Variants in NTM observed in about 807,000 individuals in gnomAD.
NTM encodes IgLON family member 2.
NTM carries 13 observed loss-of-function variants against 42.1 expected under a neutral mutation model. The observed-to-expected ratio is 0.31, with a 90% CI of 0.20 to 0.49. The LOEUF is 0.49. Among genes scored for constraint, NTM ranks in the 20% least tolerant of loss-of-function variants. NTM has a pLI of 0.99. For missense variants in NTM, 373 were observed against 452.8 expected, an observed-to-expected ratio of 0.82 and a Z score of 1.60; for synonymous variants, 187 against 179.2, an observed-to-expected ratio of 1.04 and a Z score of -0.35.
At chr11:131,373,900 G>T (rs1273787818) in intron 1 of NTM, among the ~76,000 whole-genome samples, 1 of 152,258 alleles carries the variant, frequency 6.6e-6, no homozygotes, top group Non-Finnish European at 1.5e-5. Context: ...CCTCGGCAAA[G>T]TTCACACTCC....
chr11:132,238,897 C>A (rs2089630738), intron 4 of NTM, among the ~76,000 whole-genome samples: 1 of 152,160 alleles, frequency 6.6e-6, no homozygotes, highest in South Asian at 2.1e-4. Flanking sequence ...GCAAAAGGAG[C>A]CTTGTTTCTC....
chr11:132,104,070 T>A (rs757449389), intron 2 of NTM, among the ~76,000 whole-genome samples: 1 of 152,112 alleles, frequency 6.6e-6, no homozygotes, highest in East Asian at 1.9e-4. Context: ...AGACCGGGAC[T>A]GTGTTTTTCG....
intron 3 of NTM, among the ~76,000 whole-genome samples, chr11:132,161,304 A>T (rs2074210745): frequency 6.7e-6 from 1 of 148,744 alleles, no homozygotes; most frequent in Non-Finnish European, 1.5e-5. Context: ...TTCCATAGAC[A>T]GTTCTCTTCT....
At chr11:131,621,815 T>A (rs1592257253) in intron 1 of NTM, among the ~76,000 whole-genome samples, 2 of 103,730 alleles carry the variant, frequency 1.9e-5, no homozygotes. Context: ...GAGCAAGACC[T>A]CAACTCAAAG....
At chr11:131,478,394 G>A (rs999210213) in intron 1 of NTM, among the ~76,000 whole-genome samples, 10 of 152,148 alleles carry the variant, frequency 6.6e-5, no homozygotes, top group Non-Finnish European at 1.5e-4. Flanking sequence ...TAAGAGGTAG[G>A]TAGCATACCA....
At chr11:131,435,340 G>A (rs1949033601) in intron 1 of NTM, among the ~76,000 whole-genome samples, 1 of 152,200 alleles carries the variant, frequency 6.6e-6, no homozygotes, top group African/African-American at 2.4e-5. Context: ...GTCATTGGGA[G>A]CTTGATGGGG....
intron 1 of NTM, among the ~76,000 whole-genome samples, chr11:131,683,958 G>A (rs970810711): frequency 4.6e-5 from 7 of 152,182 alleles, no homozygotes; most frequent in South Asian, 4.1e-4. Context: ...AGGGCAGGCG[G>A]TGGCAAGAGG....
At chr11:131,512,975 C>T (rs908909476) in intron 1 of NTM, among the ~76,000 whole-genome samples, 3 of 152,100 alleles carry the variant, frequency 2.0e-5, no homozygotes, top group South Asian at 4.1e-4. Flanking sequence ...ACTGAGATCT[C>T]GGGACATTTC....
chr11:131,779,318 T>A (rs2087631573), intron 1 of NTM, among the ~76,000 whole-genome samples: 1 of 152,200 alleles, frequency 6.6e-6, no homozygotes, highest in Non-Finnish European at 1.5e-5. Context: ...TATGAGATAA[T>A]AAATGTGTGC....
intron 4 of NTM, among the ~76,000 whole-genome samples, chr11:132,303,330 G>A (rs1012938128): frequency 5.9e-5 from 9 of 152,142 alleles, no homozygotes; most frequent in East Asian, 3.9e-4. Flanking sequence ...ACCCTCCCTC[G>A]CCTCTCCTGG....
chr11:132,172,650 G>A (rs2076272746), intron 3 of NTM, among the ~76,000 whole-genome samples: 1 of 152,182 alleles, frequency 6.6e-6, no homozygotes, highest in Non-Finnish European at 1.5e-5. Context: ...AGCCTCACAA[G>A]ATATATAATT....
At chr11:132,255,754 G>A (rs1322141686) in intron 4 of NTM, among the ~76,000 whole-genome samples, 1 of 152,086 alleles carries the variant, frequency 6.6e-6, no homozygotes, top group African/African-American at 2.4e-5. Context: ...AGTCCTATTT[G>A]CTCTGCTTTC....
At chr11:131,833,636 A>G (rs2043102817) in intron 1 of NTM, among the ~76,000 whole-genome samples, 2 of 152,152 alleles carry the variant, frequency 1.3e-5, no homozygotes, top group Non-Finnish European at 2.9e-5. Context: ...TTCAAATAGT[A>G]TTCAGTGACA....
At chr11:131,698,065 G>A (rs1488103845) in intron 1 of NTM, among the ~76,000 whole-genome samples, 4 of 152,190 alleles carry the variant, frequency 2.6e-5, no homozygotes, top group Admixed American at 2.6e-4. Context: ...AGACACAGCT[G>A]CTTCATCCAG....
intron 4 of NTM, among the ~76,000 whole-genome samples, chr11:132,277,833 T>C (rs2093790352): frequency 6.6e-6 from 1 of 152,048 alleles, no homozygotes; most frequent in Non-Finnish European, 1.5e-5. Flanking sequence ...AATATATATA[T>C]ATATTTAAAA....
intron 1 of NTM, among the ~76,000 whole-genome samples, chr11:131,774,964 G>A (rs1267633473): frequency 6.6e-6 from 1 of 152,304 alleles, no homozygotes; most frequent in East Asian, 1.9e-4. Context: ...CCTAGGTTCA[G>A]CAAATGCACA....
intron 4 of NTM, among the ~76,000 whole-genome samples, chr11:132,255,148 A>G (rs2092371188): frequency 6.6e-6 from 1 of 152,168 alleles, no homozygotes; most frequent in Admixed American, 6.5e-5. Context: ...AGACACAAGA[A>G]GTGTGTTTGC....
intron 1 of NTM, among the ~76,000 whole-genome samples, chr11:131,389,049 G>GAACA (rs1555097639): frequency 7.4e-6 from 1 of 134,608 alleles, no homozygotes; most frequent in Non-Finnish European, 1.6e-5. Flanking sequence ...GAAAAGAAAA[G>GAACA]GAAAAAGAAA....
intron 1 of NTM, among the ~76,000 whole-genome samples, chr11:131,429,623 G>A (rs2135899878): frequency 6.6e-6 from 1 of 152,304 alleles, no homozygotes; most frequent in Non-Finnish European, 1.5e-5. Flanking sequence ...GAACACCAGA[G>A]CCACTTAAAT....
Sources: allele counts gnomAD v4.1 joint callset (sites outside exome capture counted in the v4.1 genomes callset), GRCh38; gene constraint gnomAD v4.1.1; transcripts MANE v1.5; gene names NCBI Gene and HGNC (gene_info 2026-07-23, HGNC 2026-07-21).